The following GPR39 variants were observed in gnomAD, a reference collection of about 807,000 sequenced individuals.
The protein encoded by GPR39 is zinc sensing receptor.
Under a neutral mutation model 18.4 loss-of-function variants are expected in GPR39, and 23 were observed. That is an observed-to-expected ratio of 1.25 (90% confidence interval 0.90 to 1.77). The LOEUF is 1.77. Ranked by LOEUF, GPR39 falls within the 40% of genes most tolerant of loss-of-function variation. GPR39 has a pLI of 0.00. For missense variants in GPR39, 647 were observed against 602.4 expected, an observed-to-expected ratio of 1.07 and a Z score of -0.78; for synonymous variants, 280 against 257.9, an observed-to-expected ratio of 1.09 and a Z score of -0.82.
chr2:132,492,642 C>CACACCATA (rs1349902319), intron 1 of GPR39, among the ~76,000 whole-genome samples: 19,668 of 118,780 alleles, frequency 0.17, 6,849 homozygotes, highest in Non-Finnish European at 0.24. Flanking sequence ...TACACACCAT[C>CACACCATA]TATATATAAT....
At chr2:132,564,155 AG>A (rs1255714680) in intron 1 of GPR39, among the ~76,000 whole-genome samples, 1 of 152,218 alleles carries the variant, frequency 6.6e-6, no homozygotes, top group East Asian at 1.9e-4. Flanking sequence ...AGGATCACTG[AG>A]GTGGGAGTCA....
rs765441250 is a variant in GPR39 at position 132,645,537 on chromosome 2, A to G, written c.1293A>G (p.Leu431=). ...SKSQSLSLES[L]EPNSGAKPAN... ...CCCAGTCATTGAGTCTCGAGTCACT[A>G]GAGCCCAACTCAGGCGCGAAACCAG... is the stretch of plus-strand genomic sequence containing the variant. Residue 431 remains leucine, a synonymous_variant, in exon 2 of 2, where the codon CTA becomes CTG. Coordinates refer to ENST00000329321, the MANE Select transcript of GPR39 (RefSeq NM_001508.3). The G allele has an allele frequency of 7.1e-5, 115 of 1,614,048 alleles. No homozygotes were observed. In the Admixed American group the frequency reaches 1.7e-3, roughly 25 times the overall value.
intron 1 of GPR39, among the ~76,000 whole-genome samples, chr2:132,546,431 C>T (rs1318396847): frequency 6.6e-6 from 1 of 152,102 alleles, no homozygotes; most frequent in Admixed American, 6.5e-5. Flanking sequence ...AATATGTGGG[C>T]AAGGTTGCTG....
intron 1 of GPR39, among the ~76,000 whole-genome samples, chr2:132,463,108 C>G (rs879357765): frequency 2.0e-5 from 3 of 152,166 alleles, no homozygotes; most frequent in Non-Finnish European, 4.4e-5. Context: ...GTGGCAGAAT[C>G]CATCAGACAA....
At position 132,646,464 on chromosome 2, in the gene GPR39, C is replaced by CACTATTTCATTAGTTTT; in HGVS notation, c.*860_*876dup. The CACTATTTCATTAGTTTT allele has an allele frequency of 2.4e-6, 1 of 409,852 alleles. No homozygotes were observed. Among genetic ancestry groups the CACTATTTCATTAGTTTT allele is most frequent in the South Asian group, 1.2e-4 (1 of 8,258 alleles). The allele number at this position is 409,852 out of a possible 1,614,324, so 25.4% of individuals were successfully genotyped here. A position where few individuals can be genotyped will look rare whatever the true frequency, so the allele number is the denominator to read the frequency against. On this transcript the variant is annotated 3_prime_UTR_variant, in exon 2 of 2. Coordinates refer to ENST00000329321, the MANE Select transcript of GPR39 (RefSeq NM_001508.3). ...CAAGATAGATGGTGAAAGAGACAGG[C>CACTATTTCATTAGTTTT]ACTATTTCATTAGTTTTAACAAAAC... is the stretch of plus-strand genomic sequence containing the variant.
At chr2:132,498,975 G>A (rs1315630159) in intron 1 of GPR39, among the ~76,000 whole-genome samples, 1 of 152,160 alleles carries the variant, frequency 6.6e-6, no homozygotes, top group Non-Finnish European at 1.5e-5. Context: ...TTTGTCGGAT[G>A]TATGGATTGT....
At chr2:132,570,971 G>C (rs921997551) in intron 1 of GPR39, among the ~76,000 whole-genome samples, 1 of 152,180 alleles carries the variant, frequency 6.6e-6, no homozygotes, top group Admixed American at 6.5e-5. Context: ...ATTTACGGCA[G>C]GCATCCTGGG....
intron 1 of GPR39, among the ~76,000 whole-genome samples, chr2:132,467,439 G>A (rs1680947828): frequency 6.6e-6 from 1 of 152,154 alleles, no homozygotes; most frequent in African/African-American, 2.4e-5. Flanking sequence ...GGAAAGGGTT[G>A]AAAAAGTAAC....
intron 1 of GPR39, among the ~76,000 whole-genome samples, chr2:132,607,862 T>A (rs1681168969): frequency 6.6e-6 from 1 of 152,166 alleles, no homozygotes; most frequent in Non-Finnish European, 1.5e-5. Context: ...TCTTTAATAG[T>A]AGGGAGGCCA....
intron 1 of GPR39, among the ~76,000 whole-genome samples, chr2:132,520,212 C>T (rs1679397687): frequency 6.6e-6 from 1 of 152,186 alleles, no homozygotes; most frequent in South Asian, 2.1e-4. Context: ...GCCTTTACCT[C>T]CTCCAGGAAG....
chr2:132,606,516 C>G (rs1447380003), intron 1 of GPR39, among the ~76,000 whole-genome samples: 2 of 152,202 alleles, frequency 1.3e-5, no homozygotes, highest in African/African-American at 2.4e-5. Context: ...GTGGGTAGCC[C>G]TTCTGGGCTC....
rs116232245 is a variant in GPR39, at chr2:132,645,429, G to A, written c.1185G>A (p.Ala395=). 1,855 of 1,613,526 alleles carry A rather than the reference G, an allele frequency of 1.1e-3. 1 individual carries two copies. Among genetic ancestry groups the A allele is most frequent in the Non-Finnish European group, 1.5e-3 (1,756 of 1,180,030 alleles). Residue 395 remains alanine, a synonymous_variant, in exon 2 of 2, where the codon GCG becomes GCA. Coordinates refer to ENST00000329321, the MANE Select transcript of GPR39 (RefSeq NM_001508.3). ...ARFVQRPLLF[A]SRRQSSARRT... is the part of the protein sequence containing the mutation. ...TTGTGCAGCGCCCGTTGCTCTTCGC[G>A]TCCCGGCGCCAGTCCTCTGCAAGGA...
intron 1 of GPR39, among the ~76,000 whole-genome samples, chr2:132,603,022 TC>T (rs1320841476): frequency 2.6e-5 from 4 of 152,008 alleles, no homozygotes; most frequent in African/African-American, 9.7e-5. Flanking sequence ...GACCCAGAAA[TC>T]CCAATACTGG....
intron 1 of GPR39, among the ~76,000 whole-genome samples, chr2:132,623,029 T>C (rs543964803): frequency 3.9e-5 from 6 of 152,196 alleles, no homozygotes; most frequent in African/African-American, 1.4e-4. Flanking sequence ...GGAGAAACAC[T>C]TGAACTCGGG....
chr2:132,556,272 C>T (rs9287421), intron 1 of GPR39, among the ~76,000 whole-genome samples: 22,752 of 152,096 alleles, frequency 0.15, 1,797 homozygotes, highest in Middle Eastern at 0.24. Context: ...TATGGACAGC[C>T]TAAGTAGTGG....
Position 132,416,989 on chromosome 2 carries a change from G to A in GPR39, c.-54G>A. The A allele has an allele frequency of 6.3e-7, 1 of 1,581,980 alleles. No individual in the cohort carries two copies. On this transcript the variant is annotated 5_prime_UTR_variant, in exon 1 of 2. Transcript: ENST00000329321. The stretch of plus-strand genomic sequence containing the variant: ...CCAAGAATTTTGGACGCTGCTGGGA[G>A]GAGAAAGGGAAGTTGAGAAAGTCTT...
intron 1 of GPR39, among the ~76,000 whole-genome samples, chr2:132,483,252 G>A (rs970590088): frequency 1.3e-5 from 2 of 152,198 alleles, no homozygotes; most frequent in African/African-American, 2.4e-5. Context: ...ATGACAGAGC[G>A]ATCAGCACTG....
chr2:132,504,326 TA>T (rs2104752945), intron 1 of GPR39, among the ~76,000 whole-genome samples: 1 of 152,318 alleles, frequency 6.6e-6, no homozygotes, highest in Non-Finnish European at 1.5e-5. Context: ...ACATGTCTCC[TA>T]ACTGGCAAGA....
intron 1 of GPR39, among the ~76,000 whole-genome samples, chr2:132,631,947 G>T (rs1681657686): frequency 6.6e-6 from 1 of 151,724 alleles, no homozygotes; most frequent in Admixed American, 6.6e-5. Flanking sequence ...CTCAGCCTCT[G>T]GGGTAGCCAG....
Sources: allele counts gnomAD v4.1 joint callset (sites outside exome capture counted in the v4.1 genomes callset), GRCh38; gene constraint gnomAD v4.1.1; transcripts MANE v1.5; gene names NCBI Gene and HGNC (gene_info 2026-07-23, HGNC 2026-07-21).